The following CLCN6 variants were observed in gnomAD, a reference collection of about 807,000 sequenced individuals.
The protein encoded by CLCN6 is H(+)/Cl(-) exchange transporter 6.
A neutral mutation model predicts 109.8 loss-of-function variants in CLCN6; 70 were observed. The observed-to-expected ratio is 0.64, with a 90% confidence interval of 0.53 to 0.78. The LOEUF (loss-of-function observed/expected upper bound fraction) is 0.78, where lower values mean the gene tolerates loss of function less well. CLCN6 is among the 30% of genes least tolerant of loss of function. CLCN6 has a pLI of 0.00. For synonymous variants in CLCN6, 444 were observed against 447.8 expected (o/e 0.99, Z 0.11); for missense variants, 984 against 1,142.3 (o/e 0.86, Z 2.00).
chr1:11,836,026 T>A lies in CLCN6; in HGVS notation c.1853T>A (p.Ile618Asn). 1.9e-6 allele frequency: 3 copies of A among 1,613,466 alleles called. No individual in the cohort carries two copies. Among genetic ancestry groups the A allele is most frequent in the Non-Finnish European group, 2.5e-6 (3 of 1,179,912 alleles). ...ACCTACGTCTACCCGCACACCCGCA[T>A]CCAGTCTCTGGTGAGCATCCTGCGC... Reference protein sequence around the residue: ...NLTYVYPHTRIQSLVSILRTT... With the variant: ...NLTYVYPHTRNQSLVSILRTT... Residue 618 changes from isoleucine (I) to asparagine (N), a missense_variant, in exon 18 of 23, where the codon ATC becomes AAC. Ile to Asn is a moderately radical substitution (Grantham distance 149). Coordinates refer to ENST00000346436, the MANE Select transcript of CLCN6 (RefSeq NM_001286.5).
chr1:11,829,157 CT>C, intron 12 of CLCN6, 38 bp from the exon 13 acceptor site: 2 of 1,602,840 alleles, frequency 1.2e-6, no homozygotes, highest in Non-Finnish European at 1.7e-6. Context: ...ACCAGAGCTT[CT>C]TTCTGTGGCG....
At chr1:11,826,079 TC>T (rs1644807940) in intron 8 of CLCN6, 76 bp from the exon 9 acceptor site, 2 of 1,063,212 alleles carry the variant, frequency 1.9e-6, no homozygotes, top group Non-Finnish European at 1.4e-6. Flanking sequence ...TTTTTTTTTT[TC>T]CATAATTACT....
rs1175332047 is a variant in CLCN6 at position 11,819,508 on chromosome 1, T to C, written c.300T>C (p.Phe100=). ...CTGLVGLFVD[F]FVRLFTQLKF... ...CACAGGTGGGTCTCTTTGTGGACTT[T>C]TTTGTGCGACTCTTCACCCAACTCA... The change falls in exon 5 of 23, where the codon TTT becomes TTC. Residue 100 remains phenylalanine, a synonymous_variant. Transcript: ENST00000346436. 2.5e-6 allele frequency: 4 copies of C among 1,614,196 alleles called. No individual in the cohort carries two copies. The highest frequency in any genetic ancestry group is 1.3e-5 in the African/African-American group (1 of 75,038).
At chr1:11,811,612 C>T (rs534008128) in intron 2 of CLCN6, among the ~76,000 whole-genome samples, 1 of 152,176 alleles carries the variant, frequency 6.6e-6, no homozygotes, top group Non-Finnish European at 1.5e-5. Flanking sequence ...GAACTCCTGG[C>T]CTCGGGTGAT....
chr1:11,832,049 G>T (rs914476840), intron 13 of CLCN6, among the ~76,000 whole-genome samples: 1 of 152,170 alleles, frequency 6.6e-6, no homozygotes, highest in African/African-American at 2.4e-5. Flanking sequence ...TTGTGTACCA[G>T]ATATTCCACT....
chr1:11,833,994 C>T lies in CLCN6; in HGVS notation c.1490C>T (p.Ala497Val). 6.2e-7 allele frequency: 1 copy of T among 1,614,120 alleles called. No homozygotes were observed. Residue 497 changes from alanine (A) to valine (V), a missense_variant, in exon 15 of 23, where the codon GCT (alanine) becomes GTT (valine). Ala to Val is a moderately conservative substitution (Grantham distance 64). Coordinates refer to ENST00000346436, the MANE Select transcript of CLCN6 (RefSeq NM_001286.5). ...TTTGTGCCTTCTCTGCTGTGTGGAG[C>T]TGCTTTTGGACGTTTAGTTGCCAAT... ...GLFVPSLLCG[A>V]AFGRLVANVL...
At chr1:11,826,770 G>A (rs984514368) in intron 9 of CLCN6, among the ~76,000 whole-genome samples, 3 of 152,200 alleles carry the variant, frequency 2.0e-5, no homozygotes, top group Non-Finnish European at 2.9e-5. Flanking sequence ...GGAACATGGT[G>A]CAGCAGTGAT....
intron 2 of CLCN6, among the ~76,000 whole-genome samples, chr1:11,814,696 T>G (rs563511209): frequency 6.6e-6 from 1 of 152,284 alleles, no homozygotes; most frequent in African/African-American, 2.4e-5. Context: ...GTAGAAGTTT[T>G]AGGAGCCGAG....
chr1:11,834,705 C>A lies in CLCN6; in HGVS notation c.1793+115C>A, dbSNP rs974436896. ...CTCACTTTTCTTGGGCTGAAAGAAG[C>A]AACACACCCATTCCTGAGCATGTGT... On this transcript the variant is annotated intron_variant, in intron 17 of 22. Transcript: ENST00000346436. The surrounding 1 kb of genome is among the most constrained non-coding windows in gnomAD (Gnocchi z 4.5). The A allele has an allele frequency of 5.7e-6, 5 of 878,852 alleles. No homozygotes were observed. The highest frequency in any genetic ancestry group is 1.6e-5 in the South Asian group (1 of 62,984). The allele number at this position is 878,852 out of a possible 1,614,324, so 54.4% of individuals were successfully genotyped here.
chr1:11,830,580 A>G (rs918599111), intron 13 of CLCN6, among the ~76,000 whole-genome samples: 2 of 151,730 alleles, frequency 1.3e-5, no homozygotes, highest in African/African-American at 2.4e-5. Context: ...GGATTTTGGT[A>G]TCCATCGGGA....
intron 22 of CLCN6, among the ~76,000 whole-genome samples, chr1:11,839,298 G>A (rs1015391602): frequency 3.9e-5 from 6 of 152,188 alleles, no homozygotes; most frequent in African/African-American, 1.4e-4. Flanking sequence ...GTCTCACTCT[G>A]TCACCCAGGC....
intron 5 of CLCN6, among the ~76,000 whole-genome samples, chr1:11,821,126 A>G (rs1437031752): frequency 3.9e-5 from 6 of 152,086 alleles, no homozygotes; most frequent in Non-Finnish European, 8.8e-5. Context: ...ATTTGACCAC[A>G]TCAAAGTACA....
intron 7 of CLCN6, 84 bp from the exon 8 acceptor site, chr1:11,824,402 G>A (rs1014366810): frequency 8.6e-6 from 9 of 1,042,340 alleles, no homozygotes; most frequent in East Asian, 7.5e-5. Flanking sequence ...CAGTTGTCAC[G>A]AGGAAGGTTT....
At chr1:11,810,244 C>A (rs1169125432) in intron 2 of CLCN6, among the ~76,000 whole-genome samples, 1 of 152,124 alleles carries the variant, frequency 6.6e-6, no homozygotes, top group Non-Finnish European at 1.5e-5. Flanking sequence ...TAGGGTCTTA[C>A]AAAATGTTAG....
intron 3 of CLCN6, among the ~76,000 whole-genome samples, chr1:11,816,344 A>G (rs1379195605): frequency 6.6e-6 from 1 of 152,200 alleles, no homozygotes; most frequent in Non-Finnish European, 1.5e-5. Context: ...GTCTAGAACC[A>G]AACCCATGCT....
chr1:11,833,741 C>G (rs1644908440), intron 14 of CLCN6, 103 bp downstream of exon 14: 2 of 1,567,202 alleles, frequency 1.3e-6, no homozygotes, highest in Non-Finnish European at 1.7e-6. Flanking sequence ...CTTTGTAACG[C>G]CCACCCAGAC....
intron 1 of CLCN6, 55 bp from the exon 2 acceptor site, chr1:11,807,076 C>T: frequency 6.9e-7 from 1 of 1,452,530 alleles, no homozygotes; most frequent in Non-Finnish European, 9.7e-7. Flanking sequence ...ATACTTCTGC[C>T]TCCTTCCACT....
chr1:11,831,273 C>T (rs1644881002), intron 13 of CLCN6, among the ~76,000 whole-genome samples: 1 of 152,086 alleles, frequency 6.6e-6, no homozygotes, highest in South Asian at 2.1e-4. Context: ...TCTCCTGCCT[C>T]AGCCTCCCAA....
chr1:11,824,395 T>C, intron 7 of CLCN6, 91 bp from the exon 8 acceptor site: 1 of 942,348 alleles, frequency 1.1e-6, no homozygotes, highest in Non-Finnish European at 1.7e-6. Flanking sequence ...CTCTGTTCAG[T>C]TGTCACGAGG....
Sources: gnomAD v4.1 joint callset for allele counts (sites outside exome capture counted in the v4.1 genomes callset) on GRCh38, gnomAD v4.1.1 for gene constraint, Gnocchi (gnomAD v3.1) non-coding constraint, MANE v1.5 for transcripts, NCBI Gene and HGNC (gene_info 2026-07-23, HGNC 2026-07-21) for gene names.